The following WDFY3 variants were observed in gnomAD, a reference collection of about 807,000 sequenced individuals.
WDFY3 encodes the protein WD repeat and FYVE domain-containing protein 3.
In WDFY3, 66 loss-of-function variants were observed where a neutral mutation model predicts 409.6. The ratio of observed to expected loss-of-function variants is 0.16; its 90% CI spans 0.13 to 0.20. The LOEUF (loss-of-function observed/expected upper bound fraction) is 0.20, where lower values mean the gene tolerates loss of function less well. WDFY3 is among the 10% of genes least tolerant of loss of function. The probability of loss-of-function intolerance (pLI) is 1.00; values close to 1 mark genes in which losing one functional copy is unlikely to be tolerated. For missense variants in WDFY3, 3,031 were observed against 4,298.1 expected, an observed-to-expected ratio of 0.71 and a Z score of 8.24; for synonymous variants, 1,521 against 1,537.1, an observed-to-expected ratio of 0.99 and a Z score of 0.25.
intron 39 of WDFY3, chr4:84,739,407 T>C (rs1299024025): frequency 9.3e-6 from 3 of 322,778 alleles, no homozygotes; most frequent in Non-Finnish European, 1.8e-5. Context: ...TACAAAATGT[T>C]CATTCAACTA....
At chr4:84,810,403 ACC>A in intron 13 of WDFY3, 59 bp from the exon 14 acceptor site, 1 of 1,244,468 alleles carries the variant, frequency 8.0e-7, no homozygotes, top group Non-Finnish European at 1.1e-6. Context: ...AAAAAAAAAA[ACC>A]ACTATGCATG....
intron 38 of WDFY3, 82 bp downstream of exon 38, chr4:84,741,679 T>C (rs1738459102): frequency 7.3e-7 from 1 of 1,361,484 alleles, no homozygotes; most frequent in Middle Eastern, 2.6e-4. Context: ...ATCTTATTAG[T>C]TATATTTAAT....
chr4:84,864,398 A>G (rs1026085661), intron 3 of WDFY3, among the ~76,000 whole-genome samples: 1 of 151,782 alleles, frequency 6.6e-6, no homozygotes, highest in African/African-American at 2.4e-5. Context: ...AAGAACAAGA[A>G]TGCTACTGGA....
chr4:84,878,237 T>G (rs1224318107), intron 3 of WDFY3, among the ~76,000 whole-genome samples: 2 of 152,222 alleles, frequency 1.3e-5, no homozygotes, highest in Admixed American at 1.3e-4. Context: ...AATCCTCCGC[T>G]GGAAATTCAA....
intron 44 of WDFY3, among the ~76,000 whole-genome samples, chr4:84,727,632 TG>T (rs1735880369): frequency 6.6e-6 from 1 of 152,236 alleles, no homozygotes; most frequent in African/African-American, 2.4e-5. Flanking sequence ...TGTGGCTTCA[TG>T]TAAGCACACA....
At chr4:84,876,093 T>C (rs753852919) in intron 3 of WDFY3, among the ~76,000 whole-genome samples, 10 of 152,346 alleles carry the variant, frequency 6.6e-5, no homozygotes, top group Non-Finnish European at 1.0e-4. Flanking sequence ...TATACTTTCA[T>C]ACAACTGGCA....
At chr4:84,831,758 T>G (rs943491192) in intron 7 of WDFY3, among the ~76,000 whole-genome samples, 153 bp from the exon 8 acceptor site, 3 of 152,070 alleles carry the variant, frequency 2.0e-5, no homozygotes, top group Non-Finnish European at 4.4e-5. Flanking sequence ...TCACTAATCA[T>G]CAGGGAAATG....
intron 37 of WDFY3, among the ~76,000 whole-genome samples, chr4:84,743,472 T>C (rs1194522007): frequency 6.6e-6 from 1 of 152,134 alleles, no homozygotes; most frequent in Non-Finnish European, 1.5e-5. Flanking sequence ...AAAACTTTCA[T>C]ATATCTGTCA....
intron 15 of WDFY3, 63 bp from the exon 16 acceptor site, chr4:84,803,530 T>C: frequency 1.3e-6 from 2 of 1,521,008 alleles, no homozygotes; most frequent in Non-Finnish European, 1.8e-6. Context: ...CCTCTTCAGT[T>C]ACTTTCATCC....
At chr4:84,918,251 A>T (rs967600593) in intron 2 of WDFY3, among the ~76,000 whole-genome samples, 2 of 152,168 alleles carry the variant, frequency 1.3e-5, no homozygotes, top group African/African-American at 4.8e-5. Context: ...ACACAAGGTT[A>T]TTAATTGCAG....
chr4:84,695,448 C>CGTGT (rs150816589), intron 58 of WDFY3, among the ~76,000 whole-genome samples: 8,434 of 136,008 alleles, frequency 0.062, 320 homozygotes, highest in African/African-American at 0.1. Context: ...ATTTGGGTCC[C>CGTGT]GTGTGTGTGT....
intron 46 of WDFY3, among the ~76,000 whole-genome samples, chr4:84,721,838 C>A (rs1212779599): frequency 6.6e-6 from 1 of 151,254 alleles, no homozygotes; most frequent in Non-Finnish European, 1.5e-5. Context: ...TGTCTTAAAA[C>A]AACAACAACA....
intron 3 of WDFY3, among the ~76,000 whole-genome samples, chr4:84,890,242 G>A (rs147495916): frequency 9.3e-4 from 141 of 152,154 alleles, no homozygotes; most frequent in Non-Finnish European, 6.3e-4. Flanking sequence ...TGGTACTACA[G>A]GTACACATCA....
intron 3 of WDFY3, among the ~76,000 whole-genome samples, chr4:84,865,457 G>A (rs989469625): frequency 1.3e-5 from 2 of 152,150 alleles, no homozygotes; most frequent in African/African-American, 2.4e-5. Flanking sequence ...AGTTTAGCCA[G>A]AATTCCCATC....
chr4:84,692,735 C>A, intron 59 of WDFY3, 150 bp downstream of exon 59: 2 of 669,686 alleles, frequency 3.0e-6, no homozygotes, highest in South Asian at 2.6e-5. Flanking sequence ...AATATAAATA[C>A]TAGTAGGTAT....
At chr4:84,879,022 A>G (rs911251065) in intron 3 of WDFY3, among the ~76,000 whole-genome samples, 1 of 152,198 alleles carries the variant, frequency 6.6e-6, no homozygotes, top group Non-Finnish European at 1.5e-5. Context: ...AAAATTTCAA[A>G]CAGATCAGAA....
chr4:84,945,592 C>A (rs1468150399), intron 1 of WDFY3, among the ~76,000 whole-genome samples: 1 of 152,156 alleles, frequency 6.6e-6, no homozygotes, highest in Admixed American at 6.5e-5. Flanking sequence ...CATTTTGAAG[C>A]TTGACATGCA....
At chr4:84,961,895 G>GTA (rs1561172704) in intron 1 of WDFY3, among the ~76,000 whole-genome samples, 12 of 152,072 alleles carry the variant, frequency 7.9e-5, no homozygotes, top group African/African-American at 2.9e-4. Flanking sequence ...TCAATAAAAA[G>GTA]GTTACTGATA....
intron 2 of WDFY3, among the ~76,000 whole-genome samples, chr4:84,921,122 G>A (rs1380958558): frequency 6.6e-6 from 1 of 151,648 alleles, no homozygotes; most frequent in African/African-American, 2.4e-5. Context: ...AAGCAAATAA[G>A]CAAAAATTAC....
Sources: gnomAD v4.1 joint callset for allele counts (sites outside exome capture counted in the v4.1 genomes callset) on GRCh38, gnomAD v4.1.1 for gene constraint, MANE v1.5 for transcripts, NCBI Gene and HGNC (gene_info 2026-07-23, HGNC 2026-07-21) for gene names.